The following KYNU variants were observed in gnomAD, a reference collection of about 807,000 sequenced individuals.
KYNU encodes kynureninase.
Under a neutral mutation model 59.2 loss-of-function variants are expected in KYNU, and 54 were observed. The ratio of observed to expected loss-of-function variants is 0.91; its 90% confidence interval spans 0.73 to 1.14. The LOEUF is 1.14. Among genes scored for constraint, KYNU ranks in the 50% most tolerant of loss-of-function variants. The pLI is 0.00. For synonymous variants in KYNU, 177 were observed against 192.0 expected (o/e 0.92, Z 0.65); for missense variants, 567 against 554.4 (o/e 1.02, Z -0.23).
At chr2:142,908,345 T>C (rs1682365062) in intron 2 of KYNU, among the ~76,000 whole-genome samples, 1 of 152,158 alleles carries the variant, frequency 6.6e-6, no homozygotes, top group African/African-American at 2.4e-5. Flanking sequence ...CCTTATGCTG[T>C]AGTAAGTTGA....
chr2:142,972,067 G>A (rs1360881456), intron 8 of KYNU, among the ~76,000 whole-genome samples: 4 of 152,184 alleles, frequency 2.6e-5, no homozygotes, highest in African/African-American at 9.6e-5. Context: ...TTGCTAGCCA[G>A]AGAAAGACTG....
At chr2:142,959,827 A>C (rs1189001826) in intron 7 of KYNU, among the ~76,000 whole-genome samples, 1 of 152,186 alleles carries the variant, frequency 6.6e-6, no homozygotes, top group Non-Finnish European at 1.5e-5. Context: ...GCTTTAGATT[A>C]GTTTGGAGGA....
chr2:142,967,921 A>G (rs1194769990), intron 8 of KYNU, among the ~76,000 whole-genome samples: 1 of 152,160 alleles, frequency 6.6e-6, no homozygotes, highest in Admixed American at 6.5e-5. Context: ...AGTACTAAAC[A>G]CTTTTGTGTA....
chr2:142,893,926 A>G (rs945687504), intron 2 of KYNU, among the ~76,000 whole-genome samples: 1 of 152,178 alleles, frequency 6.6e-6, no homozygotes, highest in Non-Finnish European at 1.5e-5. Flanking sequence ...TTTGGGCAAT[A>G]TGATACCAGG....
chr2:143,039,501 A>G (rs1169587564), intron 12 of KYNU, among the ~76,000 whole-genome samples: 2 of 152,108 alleles, frequency 1.3e-5, no homozygotes, highest in Non-Finnish European at 2.9e-5. Context: ...TGATTATACT[A>G]ACTTAATTTA....
intron 6 of KYNU, among the ~76,000 whole-genome samples, chr2:142,957,191 C>T (rs902527920): frequency 2.6e-5 from 4 of 151,980 alleles, no homozygotes; most frequent in East Asian, 3.9e-4. Context: ...GATTCCAGGT[C>T]GGTGTGGGGG....
intron 2 of KYNU, among the ~76,000 whole-genome samples, chr2:142,905,551 G>A (rs146066671): frequency 5.3e-5 from 8 of 152,278 alleles, no homozygotes; most frequent in African/African-American, 1.9e-4. Context: ...AATTTTCAGT[G>A]GTTAGTGTTA....
chr2:142,959,369 G>C (rs1336485071), intron 7 of KYNU, among the ~76,000 whole-genome samples: 1 of 152,004 alleles, frequency 6.6e-6, no homozygotes, highest in Non-Finnish European at 1.5e-5. Flanking sequence ...GGCAGATCAC[G>C]TGAGGCCGGG....
chr2:142,889,587 C>T (rs989924688), intron 2 of KYNU, among the ~76,000 whole-genome samples: 9 of 152,140 alleles, frequency 5.9e-5, no homozygotes, highest in Non-Finnish European at 1.2e-4. Context: ...GTTCCAAGTA[C>T]TCAGCATTCC....
rs77402477 is a variant in KYNU at position 142,977,458 on chromosome 2, G to A, written c.730-7626G>A. ...CATAGGATTAAAATAAGTTGGAACA[G>A]TATTCTGGTTTTGTCCTGCAGAAAA... is the stretch of plus-strand genomic sequence containing the variant. On this transcript the variant is annotated intron_variant, in intron 8 of 13. Coordinates refer to ENST00000264170, the MANE Select transcript of KYNU (RefSeq NM_003937.3). Among the ~76,000 whole-genome samples, 1,231 of 149,282 alleles carry A rather than the reference G, an allele frequency of 8.2e-3. 9 individuals are homozygous for A. Among genetic ancestry groups the A allele is most frequent in the African/African-American group, 0.029 (1,182 of 40,532 alleles).
rs981294158 is a variant in KYNU, at chr2:143,045,801, G to A, written c.*3629G>A. On this transcript the variant is annotated 3_prime_UTR_variant, in exon 14 of 14. Transcript: ENST00000264170. ...AGTCACACACCACCATGCCTGACCA[G>A]GAATTGTTTTTCAACTTCATAGTGG... 3.9e-5 allele frequency: 6 copies of A among 152,044 alleles called. No individual in the cohort carries two copies. The highest frequency in any genetic ancestry group is 8.8e-5 in the Non-Finnish European group (6 of 67,980). 9.4% of individuals were successfully genotyped at this position (152,044 alleles called of 1,614,324 possible). A position where few individuals can be genotyped will look rare whatever the true frequency, so the allele number is the denominator to read the frequency against.
intron 2 of KYNU, among the ~76,000 whole-genome samples, chr2:142,910,935 G>C (rs1682460262): frequency 6.6e-6 from 1 of 152,164 alleles, no homozygotes; most frequent in South Asian, 2.1e-4. Flanking sequence ...CTATGTATAT[G>C]TTTTGGTCCC....
chr2:142,999,143 G>T (rs1056170710), intron 10 of KYNU, among the ~76,000 whole-genome samples: 2 of 151,668 alleles, frequency 1.3e-5, no homozygotes, highest in Non-Finnish European at 2.9e-5. Context: ...TTAAATCACT[G>T]GTTCATTTTT....
At chr2:142,935,764 A>G (rs1683370261) in intron 4 of KYNU, among the ~76,000 whole-genome samples, 1 of 152,082 alleles carries the variant, frequency 6.6e-6, no homozygotes, top group Non-Finnish European at 1.5e-5. Context: ...TATGGGCCGG[A>G]GGGAAGGAAA....
At chr2:143,023,442 G>A (rs1443974726) in intron 10 of KYNU, among the ~76,000 whole-genome samples, 5 of 151,818 alleles carry the variant, frequency 3.3e-5, no homozygotes, top group Non-Finnish European at 7.4e-5. Flanking sequence ...AAGTCACAGC[G>A]TTAAACATTT....
intron 10 of KYNU, among the ~76,000 whole-genome samples, chr2:143,018,734 A>G (rs914634651): frequency 2.0e-5 from 3 of 152,180 alleles, no homozygotes; most frequent in Non-Finnish European, 4.4e-5. Context: ...TTTGAACGGT[A>G]TAGTCATTTT....
At chr2:142,927,819 G>A in intron 4 of KYNU, 78 bp downstream of exon 4, 1 of 980,872 alleles carries the variant, frequency 1.0e-6, no homozygotes. Flanking sequence ...GGCTCATAAA[G>A]TCAAAATCTT....
intron 11 of KYNU, 21 bp from the exon 12 acceptor site, chr2:143,033,215 G>C: frequency 6.6e-7 from 1 of 1,516,056 alleles, no homozygotes; most frequent in South Asian, 1.1e-5. Flanking sequence ...CTATGATAAT[G>C]ACATGATATT....
At chr2:142,956,999 T>G (rs1355294803) in intron 6 of KYNU, among the ~76,000 whole-genome samples, 1 of 151,988 alleles carries the variant, frequency 6.6e-6, no homozygotes, top group Non-Finnish European at 1.5e-5. Context: ...AATAAATAAA[T>G]AAATTAATTA....
Sources: gnomAD v4.1 joint callset for allele counts (sites outside exome capture counted in the v4.1 genomes callset) on GRCh38, gnomAD v4.1.1 for gene constraint, MANE v1.5 for transcripts, NCBI Gene and HGNC (gene_info 2026-07-23, HGNC 2026-07-21) for gene names.